The following TAF4 variants were observed in gnomAD, a reference collection of about 807,000 sequenced individuals.
The protein encoded by TAF4 is transcription initiation factor TFIID subunit 4.
TAF4 carries 9 observed loss-of-function variants against 90.3 expected under a neutral mutation model. That is an observed-to-expected ratio of 0.10 (90% CI 0.06 to 0.17). The LOEUF (loss-of-function observed/expected upper bound fraction) is 0.17. TAF4 is among the 10% of genes least tolerant of loss of function. The pLI is 1.00. For synonymous variants in TAF4, 818 were observed against 638.9 expected, an observed-to-expected ratio of 1.28 and a Z score of -4.23; for missense variants, 1,351 against 1,370.7, an observed-to-expected ratio of 0.99 and a Z score of 0.23.
intron 1 of TAF4, among the ~76,000 whole-genome samples, chr20:62,036,978 G>A (rs920632833): frequency 1.3e-5 from 2 of 152,234 alleles, no homozygotes; most frequent in Non-Finnish European, 2.9e-5. Flanking sequence ...CATGGGAGCA[G>A]GCAGCAGGCC....
chr20:62,051,402 C>T (rs1468000516), intron 1 of TAF4, among the ~76,000 whole-genome samples: 1 of 152,172 alleles, frequency 6.6e-6, no homozygotes, highest in African/African-American at 2.4e-5. Flanking sequence ...TCCTCTCACA[C>T]GATACTCCTG....
intron 1 of TAF4, among the ~76,000 whole-genome samples, chr20:62,049,925 G>C (rs947022625): frequency 6.6e-6 from 1 of 152,110 alleles, no homozygotes; most frequent in Non-Finnish European, 1.5e-5. Flanking sequence ...CAAAGTGACT[G>C]CTTCAGACCT....
chr20:62,024,444 A>C (rs1401969276), intron 1 of TAF4, among the ~76,000 whole-genome samples: 2 of 152,262 alleles, frequency 1.3e-5, no homozygotes, highest in African/African-American at 4.8e-5. Context: ...AAAATGTTAA[A>C]CTTCGGCTTT....
rs750330653 is a variant in TAF4 at position 62,064,485 on chromosome 20, G to C, written c.1326C>G (p.Asn442Lys). The C allele has an allele frequency of 1.3e-6, 2 of 1,513,868 alleles. No homozygotes were observed. The highest frequency in any genetic ancestry group is 2.5e-5 in the South Asian group (2 of 78,574). 93.8% of individuals were successfully genotyped at this position (1,513,868 alleles called of 1,614,324 possible). A position where few individuals can be genotyped will look rare whatever the true frequency, so the allele number is the denominator to read the frequency against. The change falls in exon 1 of 15, where the codon AAC becomes AAG. Residue 442 changes from asparagine to lysine, a missense_variant. This residue lies in a region of TAF4 where 782 missense variants were observed against 536.6 expected (regional missense o/e 1.46). Coordinates refer to ENST00000252996, the MANE Select transcript of TAF4 (RefSeq NM_003185.4). ...LAPRLPQPPQ[N>K]PTNIQNFQLP... Reference sequence around the variant, plus strand: ...GCTGGAAGTTCTGGATGTTGGTCGGGTTCTGAGGCGGCTGCGGCAAGCGGG... The same window carrying C: ...GCTGGAAGTTCTGGATGTTGGTCGGCTTCTGAGGCGGCTGCGGCAAGCGGG...
chr20:62,022,756 G>C lies in TAF4; in HGVS notation c.1361-8049C>G, dbSNP rs141326375. The stretch of plus-strand genomic sequence containing the variant: ...CAGGCATAAGGGACGGCGCAAAGCA[G>C]CACAGGGGAACATGTGCTGCCCGGC... On this transcript the variant is annotated intron_variant, in intron 1 of 14. Coordinates refer to ENST00000252996, the MANE Select transcript of TAF4 (RefSeq NM_003185.4). 1.6e-3 allele frequency among the ~76,000 whole-genome samples: 244 copies of C among 152,348 alleles called. 8 individuals are homozygous for C. The East Asian group carries it at 0.036, about 23-fold the overall frequency.
intron 9 of TAF4, among the ~76,000 whole-genome samples, chr20:62,001,178 G>A (rs1042912638): frequency 1.3e-5 from 2 of 152,178 alleles, no homozygotes; most frequent in African/African-American, 4.8e-5. Context: ...CATTCTGCAC[G>A]TGTTTCCTAC....
intron 5 of TAF4, among the ~76,000 whole-genome samples, chr20:62,008,572 C>T (rs1465341449): frequency 6.6e-6 from 1 of 151,962 alleles, no homozygotes; most frequent in African/African-American, 2.4e-5. Context: ...GACGGCTCTG[C>T]CACTGGAGCG....
At chr20:61,982,681 T>C (rs62207107) in intron 14 of TAF4, among the ~76,000 whole-genome samples, 46,559 of 71,444 alleles carry the variant, frequency 0.65, 14,459 homozygotes, top group Middle Eastern at 0.73. Flanking sequence ...ACACCCCACC[T>C]GAGAGGAGAC....
Position 62,006,550 on chromosome 20 carries a change from G to A in TAF4, c.2183C>T (p.Thr728Met), listed in dbSNP as rs148925023. 24 of 1,571,720 alleles carry A rather than the reference G, an allele frequency of 1.5e-5. No individual in the cohort carries two copies. In the Admixed American group the frequency reaches 3.3e-4, roughly 21 times the overall value. ...QPPVLSLTQP[T>M]QVGVGKQGQP... ...CCCCTGCTTGCCGACGCCGACCTGC[G>A]TGGGCTGCGTGAGGCTGAGCACAGG... is the stretch of plus-strand genomic sequence containing the variant. The change falls in exon 7 of 15, where the codon ACG becomes ATG. Residue 728 changes from threonine (T) to methionine (M), a missense_variant. Thr to Met is a moderately conservative substitution (Grantham distance 81). Coordinates refer to ENST00000252996, the MANE Select transcript of TAF4 (RefSeq NM_003185.4). This position sits in a 1 kb window ranked among gnomAD's most constrained non-coding sequence, Gnocchi z 7.0.
At chr20:62,012,712 A>C in intron 3 of TAF4, 103 bp downstream of exon 3, 1 of 1,351,236 alleles carries the variant, frequency 7.4e-7, no homozygotes, top group Non-Finnish European at 9.6e-7. Flanking sequence ...CGTAGTATCC[A>C]GTTTAAAAAA....
chr20:61,985,823 G>A (rs1600827087), intron 14 of TAF4, among the ~76,000 whole-genome samples: 1 of 151,890 alleles, frequency 6.6e-6, no homozygotes, highest in Non-Finnish European at 1.5e-5. Context: ...GGAAGGCCTG[G>A]ATGCAGGGAC....
intron 1 of TAF4, among the ~76,000 whole-genome samples, chr20:62,047,489 T>TCTAC (rs2056000104): frequency 6.6e-6 from 1 of 152,184 alleles, no homozygotes; most frequent in African/African-American, 2.4e-5. Flanking sequence ...GGGCACCTGC[T>TCTAC]CTACCCTCTT....
At position 61,997,555 on chromosome 20, in the gene TAF4, C is replaced by T; in HGVS notation, c.3085G>A (p.Ala1029Thr). 6.3e-7 allele frequency: 1 copy of T among 1,597,076 alleles called. No homozygotes were observed. The highest frequency in any genetic ancestry group is 2.3e-5 in the East Asian group (1 of 43,690). The change falls in exon 14 of 15, where the codon GCA (alanine) becomes ACA (threonine). Residue 1029 changes from alanine (A) to threonine (T), a missense_variant. By Grantham distance (58) the Ala-to-Thr change is moderately conservative. Transcript: ENST00000252996. ...KVDCPGPGSGAEGSGPGSVVP... is the reference protein window; with the variant it reads ...KVDCPGPGSGTEGSGPGSVVP... Reference sequence around the variant, plus strand: ...ATCCCACAACACTGCCGTACCTCTGCTCCTGAGCCCGGCCCCGGACAGTCC... The same window carrying T: ...ATCCCACAACACTGCCGTACCTCTGTTCCTGAGCCCGGCCCCGGACAGTCC...
chr20:62,056,591 G>A (rs1030784166), intron 1 of TAF4, among the ~76,000 whole-genome samples: 5 of 152,078 alleles, frequency 3.3e-5, no homozygotes, highest in Admixed American at 6.5e-5. Flanking sequence ...TGAGACCACC[G>A]AGGGCCAAGG....
At chr20:62,033,460 G>A (rs906861452) in intron 1 of TAF4, among the ~76,000 whole-genome samples, 8 of 152,160 alleles carry the variant, frequency 5.3e-5, no homozygotes, top group Non-Finnish European at 1.2e-4. Context: ...GTGGGAGCTG[G>A]GCAGGGTAGC....
rs2055749740 is a variant in TAF4 at position 62,006,880 on chromosome 20, C to CA, written c.1975-123_1975-122insT. On this transcript the variant is annotated intron_variant, in intron 6 of 14. Coordinates refer to ENST00000252996, the MANE Select transcript of TAF4 (RefSeq NM_003185.4). The surrounding 1 kb of genome is among the most constrained non-coding windows in gnomAD (Gnocchi z 7.0). ...TTGAGCTAAGTAAGATGGATCTTGG[C>CA]CCTCACGGCAGCATGTCTGGATGTC... 2 of 1,300,200 alleles carry CA rather than the reference C, an allele frequency of 1.5e-6. No individual in the cohort carries two copies. The highest frequency in any genetic ancestry group is 3.5e-5 in the Admixed American group (1 of 28,810). 80.5% of individuals were successfully genotyped at this position (1,300,200 alleles called of 1,614,324 possible). A position where few individuals can be genotyped will look rare whatever the true frequency, so the allele number is the denominator to read the frequency against.
At chr20:62,035,607 G>C (rs1418753580) in intron 1 of TAF4, among the ~76,000 whole-genome samples, 1 of 152,146 alleles carries the variant, frequency 6.6e-6, no homozygotes, top group Non-Finnish European at 1.5e-5. Context: ...TATCATTTTA[G>C]AAGAAAATAC....
chr20:62,052,965 G>A (rs1365705568), intron 1 of TAF4, among the ~76,000 whole-genome samples: 1 of 151,856 alleles, frequency 6.6e-6, no homozygotes. Flanking sequence ...CATGACATCA[G>A]GTCCCTTCCG....
In TAF4 at chr20:62,016,401, G is replaced by A. The variant is rs545221756; in HGVS notation, c.1361-1694C>T. ...GTGGCTGGGCACCATCTAATCAGCT[G>A]CCAGCGTGGCTAGAATAAAGCAGGC... On this transcript the variant is annotated intron_variant, in intron 1 of 14. Transcript: ENST00000252996. Among the ~76,000 whole-genome samples, 12 of 152,344 alleles carry A rather than the reference G, an allele frequency of 7.9e-5. No homozygotes were observed. In the South Asian group the frequency reaches 2.3e-3, roughly 29 times the overall value.
Sources: allele counts gnomAD v4.1 joint callset (sites outside exome capture counted in the v4.1 genomes callset), GRCh38; gene constraint gnomAD v4.1.1; regional missense constraint gnomAD v4.1.1; non-coding constraint Gnocchi (gnomAD v3.1); transcripts MANE v1.5; gene names NCBI Gene and HGNC (gene_info 2026-07-23, HGNC 2026-07-21).